Variants in BMPR1B observed in about 807,000 individuals in gnomAD.
BMPR1B encodes the protein bone morphogenetic protein receptor type 1B.
In BMPR1B, 12 loss-of-function variants were observed where a neutral mutation model predicts 59.1. The ratio of observed to expected loss-of-function variants is 0.20; its 90% CI spans 0.13 to 0.33. BMPR1B has a LOEUF of 0.33. Among genes scored for constraint, BMPR1B ranks in the 10% least tolerant of loss-of-function variants. The pLI, the probability that BMPR1B is intolerant of heterozygous loss-of-function variation, is 1.00. For missense variants in BMPR1B, 550 were observed against 610.9 expected (o/e 0.90, Z 1.05); for synonymous variants, 237 against 207.3 (o/e 1.14, Z -1.23).
intron 2 of BMPR1B, among the ~76,000 whole-genome samples, chr4:94,952,265 TC>T (rs1484131218): frequency 7.9e-5 from 12 of 152,206 alleles, no homozygotes; most frequent in Non-Finnish European, 1.2e-4. Flanking sequence ...CTCCTTCAGT[TC>T]TGCTCTGATC....
chr4:95,148,729 T>A lies in BMPR1B; in HGVS notation c.1077-19T>A, dbSNP rs1734822101. 1 of 1,611,984 alleles carries A rather than the reference T, an allele frequency of 6.2e-7. No individual in the cohort carries two copies. Among genetic ancestry groups the A allele is most frequent in the South Asian group, 1.1e-5 (1 of 91,026 alleles). On this transcript the variant is annotated intron_variant, in intron 10 of 12. Coordinates refer to ENST00000515059, the MANE Select transcript of BMPR1B (RefSeq NM_001203.3). The stretch of plus-strand genomic sequence containing the variant: ...GGTCCTCTTCAATGCTGTAATGCTT[T>A]GCTTTACTTTTTCCTTAGTGATACA...
At chr4:94,947,801 A>G (rs1409350778) in intron 2 of BMPR1B, among the ~76,000 whole-genome samples, 4 of 151,828 alleles carry the variant, frequency 2.6e-5, no homozygotes, top group Non-Finnish European at 5.9e-5. Flanking sequence ...CCTGAAAGGA[A>G]TGTCTCTCCT....
intron 8 of BMPR1B, among the ~76,000 whole-genome samples, chr4:95,128,006 T>A (rs1733028955): frequency 6.6e-6 from 1 of 151,826 alleles, no homozygotes; most frequent in Admixed American, 6.6e-5. Flanking sequence ...CACCTCAGCC[T>A]CCCAAGTAGC....
At chr4:95,132,750 A>G (rs1403769889) in intron 10 of BMPR1B, among the ~76,000 whole-genome samples, 1 of 151,688 alleles carries the variant, frequency 6.6e-6, no homozygotes, top group Non-Finnish European at 1.5e-5. Flanking sequence ...GTTCCAAAAG[A>G]TCATCTGCTT....
intron 4 of BMPR1B, among the ~76,000 whole-genome samples, chr4:95,109,600 T>C (rs1731465137): frequency 2.0e-5 from 3 of 152,122 alleles, no homozygotes; most frequent in Admixed American, 6.6e-5. Flanking sequence ...GCCCAGGCCA[T>C]TTAAATATTG....
At chr4:94,986,497 T>C (rs555159383) in intron 2 of BMPR1B, among the ~76,000 whole-genome samples, 263 of 152,312 alleles carry the variant, frequency 1.7e-3, no homozygotes, top group African/African-American at 5.7e-3. Flanking sequence ...TACGTGACAA[T>C]GTTCAGATCT....
rs950781203 is a variant in BMPR1B at position 95,090,077 on chromosome 4, A to G, written c.-17-14331A>G. On this transcript the variant is annotated intron_variant, in intron 3 of 12. Transcript: ENST00000515059. Reference sequence around the variant, plus strand: ...AGGTGTTTGAATACAAGGGAAAACTATAAGGTTTGTCAAATTCTGTTGAGA... The same window carrying G: ...AGGTGTTTGAATACAAGGGAAAACTGTAAGGTTTGTCAAATTCTGTTGAGA... Among the ~76,000 whole-genome samples, 4 of 152,094 alleles carry G rather than the reference A, an allele frequency of 2.6e-5. No individual in the cohort carries two copies. The South Asian group carries it at 6.2e-4, about 24-fold the overall frequency.
chr4:95,133,507 CCATAT>C (rs1334272123), intron 10 of BMPR1B, among the ~76,000 whole-genome samples: 1 of 152,118 alleles, frequency 6.6e-6, no homozygotes, highest in Non-Finnish European at 1.5e-5. Flanking sequence ...ACCCGAACAC[CCATAT>C]CCCCTTCTGT....
At chr4:95,118,892 G>T (rs1291032401) in intron 6 of BMPR1B, among the ~76,000 whole-genome samples, 1 of 152,174 alleles carries the variant, frequency 6.6e-6, no homozygotes, top group Non-Finnish European at 1.5e-5. Flanking sequence ...AAAGGCAAAT[G>T]GGAAGGTAAA....
At chr4:95,095,899 CATA>C (rs1553936351) in intron 3 of BMPR1B, among the ~76,000 whole-genome samples, 1 of 151,594 alleles carries the variant, frequency 6.6e-6, no homozygotes, top group Non-Finnish European at 1.5e-5. Context: ...TTTTTGAACT[CATA>C]AGAATATTAC....
chr4:94,811,412 G>C (rs1402893681), intron 1 of BMPR1B, among the ~76,000 whole-genome samples: 1 of 152,164 alleles, frequency 6.6e-6, no homozygotes, highest in Non-Finnish European at 1.5e-5. Context: ...CATCTCATTA[G>C]GTAGAGCTGA....
At chr4:94,767,180 C>T (rs935112993) in intron 1 of BMPR1B, among the ~76,000 whole-genome samples, 1 of 152,046 alleles carries the variant, frequency 6.6e-6, no homozygotes, top group Non-Finnish European at 1.5e-5. Context: ...TTGAGATGAA[C>T]GTGGAAAAAT....
At chr4:95,011,145 T>A (rs1723198326) in intron 3 of BMPR1B, among the ~76,000 whole-genome samples, 1 of 152,114 alleles carries the variant, frequency 6.6e-6, no homozygotes, top group South Asian at 2.1e-4. Flanking sequence ...GTAGGTAAAC[T>A]TGGGTCACGG....
chr4:94,780,727 C>T (rs1456677813), intron 1 of BMPR1B, among the ~76,000 whole-genome samples: 2 of 135,548 alleles, frequency 1.5e-5, no homozygotes, highest in African/African-American at 2.8e-5. Context: ...CTCGCTCTGT[C>T]GCCCAGGCTG....
intron 3 of BMPR1B, among the ~76,000 whole-genome samples, chr4:95,059,927 C>T (rs1307857209): frequency 6.6e-6 from 1 of 152,130 alleles, no homozygotes; most frequent in Non-Finnish European, 1.5e-5. Flanking sequence ...TTTTCTGCCT[C>T]TTTTTGGCCT....
At chr4:95,136,059 G>A (rs1733758388) in intron 10 of BMPR1B, among the ~76,000 whole-genome samples, 1 of 152,060 alleles carries the variant, frequency 6.6e-6, no homozygotes, top group South Asian at 2.1e-4. Context: ...TTTTTTGAGA[G>A]TTTTTAGCAT....
chr4:94,774,123 T>C (rs1413221945), intron 1 of BMPR1B, among the ~76,000 whole-genome samples: 1 of 152,088 alleles, frequency 6.6e-6, no homozygotes, highest in Non-Finnish European at 1.5e-5. Context: ...AGATAACCCA[T>C]ACCAAATTTT....
At chr4:94,975,363 G>GTGT (rs1553923294) in intron 2 of BMPR1B, among the ~76,000 whole-genome samples, 2 of 111,638 alleles carry the variant, frequency 1.8e-5, no homozygotes, top group Non-Finnish European at 3.5e-5. Context: ...TTTTGTTTTT[G>GTGT]TTTTTTTTTT....
At position 94,769,610 on chromosome 4, in the gene BMPR1B, C is replaced by CAA. The variant is rs35417815; in HGVS notation, c.-183+11555_-183+11556dup. 2.6e-3 allele frequency among the ~76,000 whole-genome samples: 380 copies of CAA among 144,808 alleles called. 1 individual carries two copies. Among genetic ancestry groups the CAA allele is most frequent in the African/African-American group, 4.0e-3 (155 of 39,196 alleles). 95.0% of individuals were successfully genotyped at this position (144,808 alleles called of 152,430 possible). The stretch of plus-strand genomic sequence containing the variant: ...GGGCAACAAGAGTGAAACACCTTCT[C>CAA]AAAAAAAAAAAAAATTGACAGATGA... On this transcript the variant is annotated intron_variant, in intron 1 of 12. Coordinates refer to ENST00000515059, the MANE Select transcript of BMPR1B (RefSeq NM_001203.3).
Sources: allele counts gnomAD v4.1 joint callset (sites outside exome capture counted in the v4.1 genomes callset), GRCh38; gene constraint gnomAD v4.1.1; transcripts MANE v1.5; gene names NCBI Gene and HGNC (gene_info 2026-07-23, HGNC 2026-07-21).